The following SIPA1L2 variants were observed in gnomAD, a reference collection of about 807,000 sequenced individuals.
SIPA1L2 encodes the protein signal-induced proliferation-associated 1-like protein 2.
In SIPA1L2, 56 loss-of-function variants were observed where a neutral mutation model predicts 163.9. The ratio of observed to expected loss-of-function variants is 0.34; its 90% confidence interval spans 0.28 to 0.43. The LOEUF (loss-of-function observed/expected upper bound fraction) is 0.43, where lower values mean the gene tolerates loss of function less well. SIPA1L2 is among the 20% of genes least tolerant of loss of function. The pLI, the probability that SIPA1L2 is intolerant of heterozygous loss-of-function variation, is 1.00. For missense variants in SIPA1L2, 1,974 were observed against 2,193.5 expected (o/e 0.90, Z 2.00); for synonymous variants, 877 against 865.7 (o/e 1.01, Z -0.23).
rs1558190576 is a variant in SIPA1L2 at position 232,455,613 on chromosome 1, GGA to G, written c.3095+5272_3095+5273del. ...GGAGAATGGCGTGAACCCGTGAGGC[GGA>G]GCTTGCAGCGAGGCGGAGCTTGCAG... On this transcript the variant is annotated intron_variant, in intron 10 of 22. Transcript: ENST00000674635. Among the ~76,000 whole-genome samples the G allele has an allele frequency of 2.2e-4, 16 of 71,844 alleles. 1 individual carries two copies. The highest frequency in any genetic ancestry group is 1.1e-3 in the African/African-American group (16 of 14,722). 47.1% of individuals were successfully genotyped at this position (71,844 alleles called of 152,430 possible).
chr1:232,541,246 AT>A (rs773182021), intron 2 of SIPA1L2, among the ~76,000 whole-genome samples: 1,039 of 87,048 alleles, frequency 0.012, 11 homozygotes, highest in African/African-American at 0.04. Context: ...ATAACATAAC[AT>A]TAACATAACA....
chr1:232,471,085 A>T (rs1395465770), intron 8 of SIPA1L2, among the ~76,000 whole-genome samples: 1 of 152,188 alleles, frequency 6.6e-6, no homozygotes, highest in Non-Finnish European at 1.5e-5. Context: ...TTAACCAGCC[A>T]CTTCATCCAA....
intron 2 of SIPA1L2, among the ~76,000 whole-genome samples, chr1:232,558,792 A>C (rs1319981900): frequency 6.6e-6 from 1 of 152,170 alleles, no homozygotes; most frequent in African/African-American, 2.4e-5. Context: ...ATCAAGTTTT[A>C]TGAGGGTAAT....
chr1:232,464,892 G>C lies in SIPA1L2; in HGVS notation c.2768C>G (p.Ser923Cys), dbSNP rs777409320. ...FYERGECVLL[S>C]SVDNCAEDIR... ...GTCTTCAGCACAGTTGTCTACCGAG[G>C]ACAGGAGGACACATTCTCCTCTTTC... The change falls in exon 9 of 23, where the codon TCC becomes TGC. Residue 923 changes from serine to cysteine, a missense_variant. Coordinates refer to ENST00000674635, the MANE Select transcript of SIPA1L2 (RefSeq NM_020808.5). The C allele has an allele frequency of 5.0e-6, 8 of 1,613,884 alleles. No individual in the cohort carries two copies. The highest frequency in any genetic ancestry group is 8.5e-7 in the Non-Finnish European group (1 of 1,179,874).
chr1:232,547,307 C>T (rs1456537864), intron 2 of SIPA1L2, among the ~76,000 whole-genome samples: 6 of 151,900 alleles, frequency 3.9e-5, no homozygotes, highest in South Asian at 2.1e-4. Flanking sequence ...CTGGTATATA[C>T]GGGTCTTTCC....
chr1:232,593,984 G>T (rs1558291810), intron 1 of SIPA1L2, among the ~76,000 whole-genome samples: 1 of 152,196 alleles, frequency 6.6e-6, no homozygotes, highest in Non-Finnish European at 1.5e-5. Context: ...GCTGGCTCCT[G>T]CCCTCCTGCC....
At chr1:232,573,688 G>C (rs12032755) in intron 2 of SIPA1L2, among the ~76,000 whole-genome samples, 1 of 152,194 alleles carries the variant, frequency 6.6e-6, no homozygotes, top group East Asian at 1.9e-4. Context: ...CGTGCCCCCA[G>C]CCCCGGGCAG....
intron 2 of SIPA1L2, among the ~76,000 whole-genome samples, chr1:232,523,497 G>A (rs1273757315): frequency 3.9e-5 from 6 of 152,092 alleles, no homozygotes; most frequent in African/African-American, 1.4e-4. Flanking sequence ...CACAGCAAAA[G>A]GAGAAAAGAA....
chr1:232,528,102 A>ATATATATATC (rs34779799), intron 2 of SIPA1L2, among the ~76,000 whole-genome samples: 1,297 of 118,514 alleles, frequency 0.011, 231 homozygotes, highest in Middle Eastern at 0.015. Flanking sequence ...ATATATATAT[A>ATATATATATC]ATCAACTTTC....
intron 11 of SIPA1L2, among the ~76,000 whole-genome samples, chr1:232,444,639 T>C (rs532208300): frequency 7.2e-5 from 11 of 152,368 alleles, no homozygotes; most frequent in African/African-American, 2.2e-4. Flanking sequence ...ATAAGCTGAC[T>C]AAGTGCCAGG....
At position 232,404,162 on chromosome 1, in the gene SIPA1L2, T is replaced by C. The variant is rs1660508884; in HGVS notation, c.4779A>G (p.Glu1593=). ...ARAFEGLDSD[E]ELGLLCHHTS... is the part of the protein sequence containing the mutation. ...TGTGGTGACAGAGCAGCCCCAGTTC[T>C]TCATCTGAGTCAAGACCTGAAATAA... is the stretch of plus-strand genomic sequence containing the variant. The change falls in exon 20 of 23, where the codon GAA becomes GAG. Residue 1593 remains glutamate, a synonymous_variant. Transcript: ENST00000674635. 6.2e-7 allele frequency: 1 copy of C among 1,613,896 alleles called. No homozygotes were observed. The highest frequency in any genetic ancestry group is 8.5e-7 in the Non-Finnish European group (1 of 1,179,994).
chr1:232,472,690 G>C (rs947317458), intron 7 of SIPA1L2, among the ~76,000 whole-genome samples: 1 of 152,154 alleles, frequency 6.6e-6, no homozygotes, highest in Non-Finnish European at 1.5e-5. Flanking sequence ...GACAATCTCA[G>C]ATAGTAAATC....
intron 5 of SIPA1L2, among the ~76,000 whole-genome samples, chr1:232,487,422 ATAT>A (rs1380113536): frequency 6.6e-6 from 1 of 152,138 alleles, no homozygotes; most frequent in Non-Finnish European, 1.5e-5. Context: ...AACAAATCTG[ATAT>A]TTGAGTAAAC....
At chr1:232,474,442 C>T (rs140441689) in intron 7 of SIPA1L2, among the ~76,000 whole-genome samples, 32 of 152,258 alleles carry the variant, frequency 2.1e-4, no homozygotes, top group African/African-American at 5.1e-4. Flanking sequence ...CATATATGGC[C>T]GTAGGTTTAG....
intron 2 of SIPA1L2, among the ~76,000 whole-genome samples, chr1:232,539,980 A>G (rs925398346): frequency 1.3e-5 from 2 of 152,192 alleles, no homozygotes; most frequent in African/African-American, 4.8e-5. Context: ...TATAGCGTGT[A>G]AAATAGTGTC....
At chr1:232,618,048 G>A (rs1008981201) in intron 1 of SIPA1L2, among the ~76,000 whole-genome samples, 7 of 152,126 alleles carry the variant, frequency 4.6e-5, no homozygotes, top group Non-Finnish European at 8.8e-5. Flanking sequence ...TGGGTACAGA[G>A]GTGTCCACTA....
In SIPA1L2 at chr1:232,514,406, C is replaced by G; in HGVS notation, c.934G>C (p.Glu312Gln). ...HETFKFTSEL[E>Q]ESRLERGIRP... Reference sequence around the variant, plus strand: ...ATGCCCCTCTCCAGTCGGCTCTCCTCCAGCTCAGACGTGAACTTGAAAGTT... The same window carrying G: ...ATGCCCCTCTCCAGTCGGCTCTCCTGCAGCTCAGACGTGAACTTGAAAGTT... The change falls in exon 3 of 23, where the codon GAG (glutamate) becomes CAG (glutamine). Residue 312 changes from glutamate to glutamine, a missense_variant. By Grantham distance (29) the Glu-to-Gln change is conservative. This residue lies in a region of SIPA1L2 where 607 missense variants were observed against 624.0 expected (regional missense o/e 0.97). Coordinates refer to ENST00000674635, the MANE Select transcript of SIPA1L2 (RefSeq NM_020808.5). The G allele has an allele frequency of 6.2e-7, 1 of 1,614,158 alleles. No individual in the cohort carries two copies. Among genetic ancestry groups the G allele is most frequent in the East Asian group, 2.2e-5 (1 of 44,880 alleles).
At chr1:232,469,367 A>G (rs1664686876) in intron 8 of SIPA1L2, among the ~76,000 whole-genome samples, 2 of 152,228 alleles carry the variant, frequency 1.3e-5, no homozygotes, top group Non-Finnish European at 2.9e-5. Flanking sequence ...GGAGTATCAC[A>G]TGAAACAGAC....
At chr1:232,557,900 A>G (rs1658805866) in intron 2 of SIPA1L2, among the ~76,000 whole-genome samples, 1 of 152,230 alleles carries the variant, frequency 6.6e-6, no homozygotes. Context: ...CACTGACTGT[A>G]ACATCTCCAG....
Sources: allele counts gnomAD v4.1 joint callset (sites outside exome capture counted in the v4.1 genomes callset), GRCh38; gene constraint gnomAD v4.1.1; regional missense constraint gnomAD v4.1.1; transcripts MANE v1.5; gene names NCBI Gene and HGNC (gene_info 2026-07-23, HGNC 2026-07-21).